Variants in TRPC4AP observed in about 807,000 individuals in gnomAD.
TRPC4AP encodes transient receptor potential cation channel subfamily C member 4 associated protein.
A neutral mutation model predicts 99.0 loss-of-function variants in TRPC4AP; 45 were observed. The observed-to-expected ratio is 0.45, with a 90% CI of 0.36 to 0.58. TRPC4AP has a LOEUF of 0.58. Ranked by LOEUF, TRPC4AP falls within the 20% of genes least tolerant of loss-of-function variation. The pLI, the probability that TRPC4AP is intolerant of heterozygous loss-of-function variation, is 0.00. For synonymous variants in TRPC4AP, 408 were observed against 385.8 expected (o/e 1.06, Z -0.67); for missense variants, 879 against 985.3 (o/e 0.89, Z 1.44).
At chr20:35,039,293 G>C (rs964922124) in intron 7 of TRPC4AP, among the ~76,000 whole-genome samples, 1 of 152,142 alleles carries the variant, frequency 6.6e-6, no homozygotes, top group Non-Finnish European at 1.5e-5. Flanking sequence ...CGGTACTCAG[G>C]GTTCTAAGTC....
At position 35,013,160 on chromosome 20, in the gene TRPC4AP, G is replaced by A. The variant is rs200247321; in HGVS notation, c.1351-94C>T. ...CTCTGGTGGGAGCCTGCTTCTCTAA[G>A]CCTCTGTCCTCATGTACCATGAGGA... On this transcript the variant is annotated intron_variant, in intron 10 of 18. Coordinates refer to ENST00000252015, the MANE Select transcript of TRPC4AP (RefSeq NM_015638.3). The A allele has an allele frequency of 3.6e-5, 42 of 1,181,330 alleles. No individual in the cohort carries two copies. In the East Asian group the frequency reaches 7.0e-4, roughly 20 times the overall value. The allele number at this position is 1,181,330 out of a possible 1,614,324, so 73.2% of individuals were successfully genotyped here.
intron 1 of TRPC4AP, among the ~76,000 whole-genome samples, chr20:35,086,431 ATG>A (rs150231202): frequency 0.11 from 11,877 of 109,220 alleles, 800 homozygotes; most frequent in Non-Finnish European, 0.12. Context: ...TGAATGGCAT[ATG>A]TGTGTGTGTG....
intron 10 of TRPC4AP, among the ~76,000 whole-genome samples, chr20:35,014,832 A>G (rs958691732): frequency 1.3e-5 from 2 of 152,134 alleles, no homozygotes; most frequent in East Asian, 3.9e-4. Context: ...CGGGGGGCCA[A>G]TAGGGGAAAG....
chr20:35,007,429 C>T lies in TRPC4AP; in HGVS notation c.1686+121G>A, dbSNP rs2082537452. ...CAAAATCTAAGGCAGCCTGCACAGG[C>T]ATTTGGAAGTCACGAGATCTGCTCT... On this transcript the variant is annotated intron_variant, in intron 14 of 18. Transcript: ENST00000252015. 3.9e-6 allele frequency: 4 copies of T among 1,023,132 alleles called. No homozygotes were observed. The African/African-American group carries it at 6.3e-5, about 16-fold the overall frequency. 63.4% of individuals were successfully genotyped at this position (1,023,132 alleles called of 1,614,324 possible).
chr20:35,007,443 G>GCATTGGA, intron 14 of TRPC4AP, 107 bp downstream of exon 14: 1 of 1,182,216 alleles, frequency 8.5e-7, no homozygotes, highest in Non-Finnish European at 1.2e-6. Context: ...TGGAAGTCAC[G>GCATTGGA]AGATCTGCTC....
chr20:35,086,503 ATATATG>A, intron 1 of TRPC4AP, among the ~76,000 whole-genome samples: 1 of 67,402 alleles, frequency 1.5e-5, no homozygotes, highest in Non-Finnish European at 3.4e-5. Flanking sequence ...ATATGTGTAT[ATATATG>A]TGTGTGTGTG....
chr20:35,048,924 G>A (rs2083626774), intron 6 of TRPC4AP, among the ~76,000 whole-genome samples: 1 of 152,182 alleles, frequency 6.6e-6, no homozygotes, highest in East Asian at 1.9e-4. Context: ...ACAGACAATA[G>A]GCCACTTGTG....
chr20:35,003,360 G>A (rs375003906), intron 18 of TRPC4AP, 50 bp downstream of exon 18: 5 of 1,610,238 alleles, frequency 3.1e-6, no homozygotes, highest in African/African-American at 2.7e-5. Flanking sequence ...CCTCTGAGAG[G>A]CCCTGGGTCC....
rs2084769830 is a variant in TRPC4AP at position 35,084,634 on chromosome 20, GTATA to G, written c.169-6464_169-6461del. Among the ~76,000 whole-genome samples the G allele has an allele frequency of 2.7e-5, 3 of 110,756 alleles. 1 individual carries two copies. The highest frequency in any genetic ancestry group is 5.8e-4 in the South Asian group (2 of 3,430). 72.7% of individuals were successfully genotyped at this position (110,756 alleles called of 152,430 possible). ...TATATATGTTTATATGCATATATGT[GTATA>G]TGTATGTATGTTTATATGCATATAT... On this transcript the variant is annotated intron_variant, in intron 1 of 18. Transcript: ENST00000252015.
intron 8 of TRPC4AP, among the ~76,000 whole-genome samples, chr20:35,029,653 T>G (rs2083123132): frequency 9.0e-6 from 1 of 111,626 alleles, no homozygotes; most frequent in South Asian, 2.9e-4. Flanking sequence ...TTTTTTTTTT[T>G]GAGACAGAGT....
intron 8 of TRPC4AP, among the ~76,000 whole-genome samples, chr20:35,031,578 T>C (rs1295689770): frequency 6.6e-6 from 1 of 151,788 alleles, no homozygotes; most frequent in African/African-American, 2.4e-5. Flanking sequence ...GATCTGAGTA[T>C]TCCGACTTGG....
At chr20:35,030,309 A>C (rs1040356213) in intron 8 of TRPC4AP, 41 of 151,692 alleles carry the variant, frequency 2.7e-4, no homozygotes, top group African/African-American at 9.9e-4. Context: ...TTTTTTTAAA[A>C]ATTAGAAATA....
At chr20:35,022,415 C>A (rs1400986301) in intron 8 of TRPC4AP, among the ~76,000 whole-genome samples, 3 of 152,218 alleles carry the variant, frequency 2.0e-5, no homozygotes, top group Non-Finnish European at 4.4e-5. Context: ...CTCAGCCTCC[C>A]AAAGTGCTGG....
intron 6 of TRPC4AP, among the ~76,000 whole-genome samples, chr20:35,046,379 TA>T (rs2083562641): frequency 6.6e-6 from 1 of 152,210 alleles, no homozygotes; most frequent in Non-Finnish European, 1.5e-5. Flanking sequence ...GCTACTCAGA[TA>T]ACACCTGCTA....
At chr20:35,081,573 T>G (rs924825490) in intron 1 of TRPC4AP, among the ~76,000 whole-genome samples, 10 of 151,898 alleles carry the variant, frequency 6.6e-5, no homozygotes, top group African/African-American at 2.4e-4. Flanking sequence ...AAAACAAAGT[T>G]TGTTATGCCA....
chr20:35,062,607 T>G (rs2084034306), intron 3 of TRPC4AP, among the ~76,000 whole-genome samples: 1 of 152,160 alleles, frequency 6.6e-6, no homozygotes, highest in African/African-American at 2.4e-5. Flanking sequence ...ATGACTCCAT[T>G]TATGTGAAAT....
intron 6 of TRPC4AP, among the ~76,000 whole-genome samples, chr20:35,049,599 C>T (rs114237757): frequency 6.6e-6 from 1 of 152,294 alleles, no homozygotes; most frequent in African/African-American, 2.4e-5. Flanking sequence ...AGCAAAGTAA[C>T]ATGAGGCATC....
intron 16 of TRPC4AP, 116 bp from the exon 17 acceptor site, chr20:35,004,686 A>G: frequency 1.3e-6 from 1 of 789,756 alleles, no homozygotes. Context: ...CTCATCATCA[A>G]AACAGCTTCA....
At chr20:35,050,441 G>A (rs184180585) in intron 5 of TRPC4AP, among the ~76,000 whole-genome samples, 6 of 152,194 alleles carry the variant, frequency 3.9e-5, no homozygotes, top group East Asian at 1.9e-4. Context: ...GAGGCCAGGC[G>A]TGGTGGCTCA....
Sources: gnomAD v4.1 joint callset for allele counts (sites outside exome capture counted in the v4.1 genomes callset) on GRCh38, gnomAD v4.1.1 for gene constraint, MANE v1.5 for transcripts, NCBI Gene and HGNC (gene_info 2026-07-23, HGNC 2026-07-21) for gene names.